Variants in PCDHA11 observed in about 807,000 individuals in gnomAD.
PCDHA11 encodes the protein protocadherin alpha-11.
A neutral mutation model predicts 70.3 loss-of-function variants in PCDHA11; 61 were observed. The observed-to-expected ratio is 0.87, with a 90% CI of 0.71 to 1.07. The LOEUF (loss-of-function observed/expected upper bound fraction) is 1.07. PCDHA11 is among the 50% of genes least tolerant of loss of function. The pLI is 0.00. For missense variants in PCDHA11, 1,324 were observed against 1,237.5 expected (o/e 1.07, Z -1.05); for synonymous variants, 633 against 555.1 (o/e 1.14, Z -1.97).
At chr5:140,897,467 C>T (rs1427386129) in intron 1 of PCDHA11, among the ~76,000 whole-genome samples, 11 of 151,912 alleles carry the variant, frequency 7.2e-5, no homozygotes, top group Non-Finnish European at 7.4e-5. Flanking sequence ...CGATAGTTTA[C>T]TGAGAATGAT....
intron 3 of PCDHA11, among the ~76,000 whole-genome samples, chr5:141,000,248 C>T (rs1027764843): frequency 2.6e-5 from 4 of 151,280 alleles, no homozygotes; most frequent in Non-Finnish European, 4.4e-5. Context: ...GTGGCTGACA[C>T]CTGTGATCCT....
At chr5:140,875,743 G>A (rs782705899) in intron 1 of PCDHA11, 7 of 1,614,108 alleles carry the variant, frequency 4.3e-6, no homozygotes, top group Non-Finnish European at 5.1e-6. Context: ...TTCTCGGATC[G>A]ACCGCGAGAA....
At chr5:140,986,480 T>A (rs781884269) in intron 3 of PCDHA11, among the ~76,000 whole-genome samples, 16 of 152,200 alleles carry the variant, frequency 1.1e-4, no homozygotes, top group Non-Finnish European at 1.5e-4. Flanking sequence ...GATCAGTTCC[T>A]AGGGCAATCC....
chr5:140,978,967 G>C lies in PCDHA11; in HGVS notation c.2410G>C (p.Asp804His), dbSNP rs782109224. 1.9e-6 allele frequency: 3 copies of C among 1,614,038 alleles called. No homozygotes were observed. The highest frequency in any genetic ancestry group is 1.1e-5 in the South Asian group (1 of 91,066). The stretch of plus-strand genomic sequence containing the variant: ...TTTGCAGCCACGACAGCCCAACCCT[G>C]ACTGGCGTTACTCTGCCTCCCTGAG... ...HPGQPRQPNPDWRYSASLRAG... is the reference protein window; with the variant it reads ...HPGQPRQPNPHWRYSASLRAG... The change falls in exon 2 of 4, where the codon GAC (aspartate) becomes CAC (histidine). Residue 804 changes from aspartate to histidine, a missense_variant. Asp to His is a moderately conservative substitution (Grantham distance 81). Coordinates refer to ENST00000398640, the MANE Select transcript of PCDHA11 (RefSeq NM_018902.5).
intron 1 of PCDHA11, chr5:140,928,757 G>A (rs372744198): frequency 6.2e-7 from 1 of 1,613,974 alleles, no homozygotes; most frequent in African/African-American, 1.3e-5. Flanking sequence ...CGTACTGCTC[G>A]CTTAGTTCTT....
intron 1 of PCDHA11, chr5:140,967,642 C>T (rs1554229731): frequency 1.2e-6 from 2 of 1,614,164 alleles, no homozygotes. Flanking sequence ...ATGGTGAGCT[C>T]AGGTACTCCT....
At chr5:140,875,202 C>A in intron 1 of PCDHA11, 1 of 611,450 alleles carries the variant, frequency 1.6e-6, no homozygotes, top group Non-Finnish European at 2.5e-6. Context: ...CAGGAAGTGG[C>A]TAAACCGAAA....
intron 3 of PCDHA11, among the ~76,000 whole-genome samples, chr5:140,982,811 A>G (rs1024619481): frequency 1.3e-5 from 2 of 150,966 alleles, no homozygotes; most frequent in Non-Finnish European, 1.5e-5. Flanking sequence ...GTGTGTGTGT[A>G]TGAAGTTTTT....
intron 1 of PCDHA11, among the ~76,000 whole-genome samples, chr5:140,941,211 C>CTCT (rs2092852939): frequency 7.7e-6 from 1 of 129,628 alleles, no homozygotes; most frequent in East Asian, 2.4e-4. Context: ...TCCTTTCTTT[C>CTCT]TTCCTTTCTT....
Position 140,882,813 on chromosome 5 carries a change from C to A in PCDHA11, c.2391+11319C>A, listed in dbSNP as rs782169035. 2 of 1,614,058 alleles carry A rather than the reference C, an allele frequency of 1.2e-6. No individual in the cohort carries two copies. The highest frequency in any genetic ancestry group is 3.3e-5 in the Admixed American group (2 of 60,002). On this transcript the variant is annotated intron_variant, in intron 1 of 3. Transcript: ENST00000398640. ...CCCAACGATTATTTCACTTTGGACG[C>A]ACAAAACAGTCTTGAGCAAATGTCT...
chr5:140,928,428 C>T (rs1273911750), intron 1 of PCDHA11: 2 of 1,614,026 alleles, frequency 1.2e-6, no homozygotes, highest in Non-Finnish European at 8.5e-7. Flanking sequence ...CCAAAACTTC[C>T]TTTGACTTTG....
At chr5:141,004,445 T>C (rs2098166676) in intron 3 of PCDHA11, among the ~76,000 whole-genome samples, 1 of 152,206 alleles carries the variant, frequency 6.6e-6, no homozygotes. Flanking sequence ...CTGAGTCATA[T>C]AGAACCAGGA....
chr5:140,980,877 C>T (rs1321284538), intron 2 of PCDHA11, among the ~76,000 whole-genome samples: 9 of 152,186 alleles, frequency 5.9e-5, no homozygotes, highest in African/African-American at 1.7e-4. Flanking sequence ...TGGGTGTTCT[C>T]GGTCTTTCCA....
At position 140,870,562 on chromosome 5, in the gene PCDHA11, G is replaced by T. The variant is rs1554164416; in HGVS notation, c.1459G>T (p.Ala487Ser). Residue 487 changes from alanine to serine, a missense_variant, in exon 1 of 4, where the codon GCG becomes TCG. Transcript: ENST00000398640. The part of the protein sequence containing the change: ...SARDADAQEN[A>S]LVSYSLVERR... ...GCGGGACGCGGACGCGCAGGAGAAC[G>T]CGCTGGTGTCCTACTCGCTGGTGGA... is the stretch of plus-strand genomic sequence containing the variant. The T allele has an allele frequency of 6.2e-7, 1 of 1,613,996 alleles. No homozygotes were observed. The highest frequency in any genetic ancestry group is 8.5e-7 in the Non-Finnish European group (1 of 1,179,988).
rs149782026 is a variant in PCDHA11, at chr5:140,944,645, G to A, written c.2392-34304G>A. ...TAGTGTTGTAAGCCAGTGTGGATTG[G>A]GAGTCCATACCCCTTATTTATCTAT... On this transcript the variant is annotated intron_variant, in intron 1 of 3. Coordinates refer to ENST00000398640, the MANE Select transcript of PCDHA11 (RefSeq NM_018902.5). Among the ~76,000 whole-genome samples, 728 of 152,260 alleles carry A rather than the reference G, an allele frequency of 4.8e-3. 7 individuals are homozygous for A. The highest frequency in any genetic ancestry group is 0.017 in the African/African-American group (702 of 41,552).
intron 3 of PCDHA11, among the ~76,000 whole-genome samples, chr5:140,986,226 C>T (rs2097191326): frequency 6.6e-6 from 1 of 152,168 alleles, no homozygotes; most frequent in African/African-American, 2.4e-5. Context: ...TCTCTAGCCT[C>T]CCCTCTGTGT....
intron 2 of PCDHA11, among the ~76,000 whole-genome samples, chr5:140,980,278 GAAAAGT>G (rs1267614144): frequency 6.6e-6 from 1 of 152,166 alleles, no homozygotes; most frequent in Non-Finnish European, 1.5e-5. Context: ...ACCAACTCTT[GAAAAGT>G]ACCAAAGCTA....
chr5:140,951,659 C>T (rs1293655737), intron 1 of PCDHA11, among the ~76,000 whole-genome samples: 3 of 152,164 alleles, frequency 2.0e-5, no homozygotes, highest in African/African-American at 7.2e-5. Flanking sequence ...CCCACCAGGG[C>T]CTGCCTACAA....
intron 1 of PCDHA11, chr5:140,927,277 G>A (rs1554204290): frequency 6.2e-7 from 1 of 1,614,016 alleles, no homozygotes; most frequent in Non-Finnish European, 8.5e-7. Context: ...TGCCGGCGAC[G>A]TGCAGCTGCA....
Sources: allele counts gnomAD v4.1 joint callset (sites outside exome capture counted in the v4.1 genomes callset), GRCh38; gene constraint gnomAD v4.1.1; transcripts MANE v1.5; gene names NCBI Gene and HGNC (gene_info 2026-07-23, HGNC 2026-07-21).